Variants in MAPKAP1 observed in about 807,000 individuals in gnomAD.
MAPKAP1 encodes the protein target of rapamycin complex 2 subunit MAPKAP1.
Under a neutral mutation model 65.7 loss-of-function variants are expected in MAPKAP1, and 20 were observed. That is an observed-to-expected ratio of 0.30 (90% CI 0.21 to 0.44). The LOEUF is 0.44. Among genes scored for constraint, MAPKAP1 ranks in the 20% least tolerant of loss-of-function variants. MAPKAP1 has a pLI of 1.00. For missense variants in MAPKAP1, 423 were observed against 648.0 expected (o/e 0.65, Z 3.77); for synonymous variants, 222 against 244.3 (o/e 0.91, Z 0.85).
chr9:125,546,695 A>G (rs1830434440), intron 6 of MAPKAP1, among the ~76,000 whole-genome samples: 1 of 152,116 alleles, frequency 6.6e-6, no homozygotes, highest in East Asian at 1.9e-4. Flanking sequence ...TGAGAAGACA[A>G]TGGTCCTGGG....
chr9:125,658,940 T>C (rs1250563717), intron 3 of MAPKAP1, among the ~76,000 whole-genome samples: 3 of 152,030 alleles, frequency 2.0e-5, no homozygotes, highest in South Asian at 2.1e-4. Context: ...AAGAGTCACT[T>C]AGAACTTTCA....
chr9:125,492,371 G>A (rs1381282701), intron 8 of MAPKAP1, among the ~76,000 whole-genome samples: 2 of 152,180 alleles, frequency 1.3e-5, no homozygotes, highest in African/African-American at 4.8e-5. Context: ...AATGGGAAAC[G>A]AAAGTGCAGT....
At chr9:125,561,861 A>G (rs1024926371) in intron 5 of MAPKAP1, among the ~76,000 whole-genome samples, 1 of 152,268 alleles carries the variant, frequency 6.6e-6, no homozygotes, top group Non-Finnish European at 1.5e-5. Context: ...ACTAACTTAT[A>G]GTTGCACCAA....
At chr9:125,486,876 C>A (rs1233989168) in intron 8 of MAPKAP1, among the ~76,000 whole-genome samples, 1 of 152,102 alleles carries the variant, frequency 6.6e-6, no homozygotes, top group Non-Finnish European at 1.5e-5. Flanking sequence ...GGGAAGCCTT[C>A]CCTGGCCGCA....
chr9:125,647,516 A>G (rs1833762926), intron 4 of MAPKAP1, among the ~76,000 whole-genome samples: 1 of 152,212 alleles, frequency 6.6e-6, no homozygotes. Flanking sequence ...TCTACTATTC[A>G]TCTATAGTGC....
rs1031901509 is a variant in MAPKAP1 at position 125,447,779 on chromosome 9, C to T, written c.1346-3181G>A. ...CACCTGGCCAGAGGTGGAGAAGAGC[C>T]ACTAGGGACAGTTTCTTGGGAGGAG... On this transcript the variant is annotated intron_variant, in intron 10 of 11. Coordinates refer to ENST00000265960, the MANE Select transcript of MAPKAP1 (RefSeq NM_001006617.3). This position sits in a 1 kb window ranked among gnomAD's most constrained non-coding sequence, Gnocchi z 4.5. Among the ~76,000 whole-genome samples the T allele has an allele frequency of 6.6e-6, 1 of 152,164 alleles. No homozygotes were observed. Among genetic ancestry groups the T allele is most frequent in the Non-Finnish European group, 1.5e-5 (1 of 68,042 alleles).
At chr9:125,581,349 T>A (rs1288621883) in intron 5 of MAPKAP1, among the ~76,000 whole-genome samples, 1 of 152,260 alleles carries the variant, frequency 6.6e-6, no homozygotes, top group Non-Finnish European at 1.5e-5. Context: ...TTTCTCTACA[T>A]CCTTGCCAGC....
Position 125,595,930 on chromosome 9 carries a change from C to A in MAPKAP1, c.499-10203G>T. 7.6e-7 allele frequency: 1 copy of A among 1,315,620 alleles called. No individual in the cohort carries two copies. Among genetic ancestry groups the A allele is most frequent in the Non-Finnish European group, 1.1e-6 (1 of 923,312 alleles). 81.5% of individuals were successfully genotyped at this position (1,315,620 alleles called of 1,614,324 possible). ...ATCGGAGTTGTGGAACCAAAGAGAG[C>A]TGTCTCAAGAGAAGATTCTCAAAGA... On this transcript the variant is annotated intron_variant, in intron 4 of 11. Transcript: ENST00000265960. This position sits in a 1 kb window ranked among gnomAD's most constrained non-coding sequence, Gnocchi z 4.0.
intron 8 of MAPKAP1, among the ~76,000 whole-genome samples, chr9:125,499,846 GT>G (rs1274911793): frequency 6.6e-6 from 1 of 152,086 alleles, no homozygotes. Flanking sequence ...AACTAGCCAG[GT>G]GTGGTAGTGT....
intron 7 of MAPKAP1, among the ~76,000 whole-genome samples, chr9:125,526,561 C>T (rs1360925934): frequency 6.6e-6 from 1 of 152,134 alleles, no homozygotes; most frequent in Non-Finnish European, 1.5e-5. Flanking sequence ...TAAGAAACAA[C>T]TATTTAATAA....
rs575792668 is a variant in MAPKAP1, at chr9:125,642,155, A to T, written c.498+15496T>A. Reference sequence around the variant, plus strand: ...AGGAAGTCAAGGCTGTAGTAAGCCAAGATCACATCCCTGCACTCCAGCCTG... The same window carrying T: ...AGGAAGTCAAGGCTGTAGTAAGCCATGATCACATCCCTGCACTCCAGCCTG... On this transcript the variant is annotated intron_variant, in intron 4 of 11. Coordinates refer to ENST00000265960, the MANE Select transcript of MAPKAP1 (RefSeq NM_001006617.3). Among the ~76,000 whole-genome samples, 3 of 152,118 alleles carry T rather than the reference A, an allele frequency of 2.0e-5. No homozygotes were observed. The East Asian group carries it at 5.8e-4, about 29-fold the overall frequency.
chr9:125,591,989 A>G (rs905893422), intron 4 of MAPKAP1, among the ~76,000 whole-genome samples: 1 of 152,244 alleles, frequency 6.6e-6, no homozygotes, highest in Non-Finnish European at 1.5e-5. Context: ...TATTTAGAGC[A>G]CAGGGAAGCG....
At chr9:125,693,084 G>A (rs1835216982) in intron 1 of MAPKAP1, among the ~76,000 whole-genome samples, 1 of 151,980 alleles carries the variant, frequency 6.6e-6, no homozygotes, top group South Asian at 2.1e-4. Flanking sequence ...CCACACCAGG[G>A]GATCCGCATG....
intron 7 of MAPKAP1, among the ~76,000 whole-genome samples, chr9:125,542,041 C>T (rs1010767771): frequency 3.3e-5 from 5 of 152,150 alleles, no homozygotes; most frequent in South Asian, 2.1e-4. Flanking sequence ...CATCTACAAC[C>T]GCCCCTACCA....
chr9:125,481,504 C>G (rs1854316209), intron 9 of MAPKAP1, among the ~76,000 whole-genome samples: 1 of 151,854 alleles, frequency 6.6e-6, no homozygotes, highest in Non-Finnish European at 1.5e-5. Context: ...CTCACTGCAG[C>G]CTTGACCTCC....
At chr9:125,658,461 AGATACTAGC>A (rs1392018361) in intron 3 of MAPKAP1, among the ~76,000 whole-genome samples, 6 of 152,256 alleles carry the variant, frequency 3.9e-5, no homozygotes, top group South Asian at 2.1e-4. Flanking sequence ...CCTATGAGGT[AGATACTAGC>A]GTTATCTCAG....
At chr9:125,482,771 A>C (rs1439682119) in intron 9 of MAPKAP1, among the ~76,000 whole-genome samples, 1 of 152,186 alleles carries the variant, frequency 6.6e-6, no homozygotes, top group East Asian at 1.9e-4. Flanking sequence ...GTGAGGACTT[A>C]ATGCAGAGGG....
At chr9:125,666,907 A>C (rs1834355320) in intron 3 of MAPKAP1, among the ~76,000 whole-genome samples, 1 of 152,180 alleles carries the variant, frequency 6.6e-6, no homozygotes, top group Non-Finnish European at 1.5e-5. Context: ...GTTTCACTCT[A>C]ACCATCAGGA....
In MAPKAP1 at chr9:125,467,964, C is replaced by T; in HGVS notation, c.1345+8G>A. ...AGAAAGGAGACATAAATAAAAGGGA[C>T]TACTCACTGGGGCTTTTCTCTTCAG... is the stretch of plus-strand genomic sequence containing the variant. On this transcript the variant is annotated splice_region_variant and intron_variant, in intron 10 of 11. Transcript: ENST00000265960. The T allele has an allele frequency of 5.6e-6, 9 of 1,613,788 alleles. No individual in the cohort carries two copies. The highest frequency in any genetic ancestry group is 7.6e-6 in the Non-Finnish European group (9 of 1,179,850).
Sources: allele counts gnomAD v4.1 joint callset (sites outside exome capture counted in the v4.1 genomes callset), GRCh38; gene constraint gnomAD v4.1.1; non-coding constraint Gnocchi (gnomAD v3.1); transcripts MANE v1.5; gene names NCBI Gene and HGNC (gene_info 2026-07-23, HGNC 2026-07-21).